Variants in RADX observed in about 807,000 individuals in gnomAD.
RADX encodes the protein RPA-related protein RADX.
RADX carries 36 observed loss-of-function variants against 61.6 expected under a neutral mutation model. The ratio of observed to expected loss-of-function variants is 0.58; its 90% CI spans 0.45 to 0.77. RADX has a LOEUF of 0.77. RADX is among the 30% of genes least tolerant of loss of function. The probability of loss-of-function intolerance (pLI) is 0.00; values close to 1 mark genes in which losing one functional copy is unlikely to be tolerated. For synonymous variants in RADX, 272 were observed against 237.9 expected (o/e 1.14, Z -1.32); for missense variants, 497 against 651.1 (o/e 0.76, Z 2.58).
intron 10 of RADX, among the ~76,000 whole-genome samples, chrX:106,645,443 A>G (rs1433753653): frequency 9.1e-6 from 1 of 109,941 alleles, no homozygotes; most frequent in Admixed American, 9.7e-5. Context: ...AGGTTTTGTT[A>G]TGTTTTGTTT....
At chrX:106,671,209 A>G (rs906427341) in intron 13 of RADX, among the ~76,000 whole-genome samples, 9 of 111,977 alleles carry the variant, frequency 8.0e-5, no homozygotes, top group African/African-American at 2.9e-4. Context: ...GAATTAGTAA[A>G]CATATGGTTC....
chrX:106,654,353 A>G (rs1334136944), intron 11 of RADX, among the ~76,000 whole-genome samples: 1 of 111,096 alleles, frequency 9.0e-6, no homozygotes, highest in East Asian at 2.8e-4. Flanking sequence ...GTGTCTGTTC[A>G]TATCCTTCAC....
intron 2 of RADX, among the ~76,000 whole-genome samples, chrX:106,624,079 A>G (rs1477091607): frequency 9.0e-6 from 1 of 111,305 alleles, no homozygotes; most frequent in South Asian, 3.8e-4. Context: ...ACAGTAACCA[A>G]TTGTTTTCTA....
intron 13 of RADX, 26 bp downstream of exon 13, chrX:106,669,356 A>C: frequency 1.9e-6 from 2 of 1,068,210 alleles, no homozygotes; most frequent in Non-Finnish European, 2.5e-6. Flanking sequence ...TGTTCTTTTC[A>C]CTCAGAAAAA....
chrX:106,633,927 C>A (rs1927300137), intron 6 of RADX, among the ~76,000 whole-genome samples: 2 of 111,633 alleles, frequency 1.8e-5, no homozygotes, highest in African/African-American at 6.5e-5. Flanking sequence ...AAGTATAATA[C>A]TTTTCAGCAG....
In RADX at chrX:106,622,742, A is replaced by G. The variant is rs766374112; in HGVS notation, c.735A>G (p.Ser245=). ...PALLVRILHK[S]KLRYYGKPDK... ...TGCTTGTGAGGATCTTACATAAATC[A>G]AAACTGCGATACTATGGAAAACCTG... Residue 245 remains serine, a synonymous_variant, in exon 2 of 14, where the codon TCA becomes TCG. Coordinates refer to ENST00000372548, the MANE Select transcript of RADX (RefSeq NM_018015.6). The G allele has an allele frequency of 1.5e-5, 18 of 1,200,284 alleles. No individual in the cohort carries two copies. The highest frequency in any genetic ancestry group is 1.8e-5 in the Non-Finnish European group (16 of 890,697).
chrX:106,644,779 T>G (rs1250925327), intron 10 of RADX, among the ~76,000 whole-genome samples: 2 of 111,359 alleles, frequency 1.8e-5, no homozygotes, highest in African/African-American at 6.5e-5. Context: ...ATACTGGCCT[T>G]GCAGAATGGG....
rs183456433 is a variant in RADX at position 106,673,090 on chromosome X, G to A, written c.2437+3760G>A. 5.7e-4 allele frequency among the ~76,000 whole-genome samples: 64 copies of A among 111,706 alleles called. 1 individual carries two copies. Among genetic ancestry groups the A allele is most frequent in the African/African-American group, 1.7e-3 (51 of 30,719 alleles). The stretch of plus-strand genomic sequence containing the variant: ...CATCTAAGAGCCAAGTCCTGGAATC[G>A]GGAACCCCAAGTGCCCACTTGTTGC... On this transcript the variant is annotated intron_variant, in intron 13 of 13. Transcript: ENST00000372548.
chrX:106,679,098 C>T lies in RADX; in HGVS notation c.*840C>T, dbSNP rs1286459339. ...AATACTTCATTTTAAATGTAAATGGCCACTCTGCATTTGCAAGGCCCGGTG... is the reference window on the plus strand; with the variant it reads ...AATACTTCATTTTAAATGTAAATGGTCACTCTGCATTTGCAAGGCCCGGTG... On this transcript the variant is annotated 3_prime_UTR_variant, in exon 14 of 14. Coordinates refer to ENST00000372548, the MANE Select transcript of RADX (RefSeq NM_018015.6). The T allele has an allele frequency of 8.9e-6, 1 of 111,924 alleles. No individual in the cohort carries two copies. Among genetic ancestry groups the T allele is most frequent in the Admixed American group, 9.5e-5 (1 of 10,553 alleles). The allele number at this position is 111,924 out of a possible 1,213,427, so 9.2% of individuals were successfully genotyped here. A position where few individuals can be genotyped will look rare whatever the true frequency, so the allele number is the denominator to read the frequency against.
chrX:106,622,700 A>G lies in RADX; in HGVS notation c.693A>G (p.Arg231=). The change falls in exon 2 of 14, where the codon AGA becomes AGG. Residue 231 remains arginine (R), a synonymous_variant. Coordinates refer to ENST00000372548, the MANE Select transcript of RADX (RefSeq NM_018015.6). ...LSHLEMTWTN[R]RNFPALLVRI... is the part of the protein sequence containing the mutation. ...ATCTTGAAATGACCTGGACTAACAG[A>G]AGAAATTTTCCTGCATTGCTTGTGA... is the stretch of plus-strand genomic sequence containing the variant. 1.7e-6 allele frequency: 2 copies of G among 1,192,706 alleles called. No individual in the cohort carries two copies. Among genetic ancestry groups the G allele is most frequent in the African/African-American group, 1.7e-5 (1 of 57,224 alleles).
chrX:106,662,757 A>G (rs1281832914), intron 12 of RADX, among the ~76,000 whole-genome samples: 3 of 110,132 alleles, frequency 2.7e-5, no homozygotes, highest in East Asian at 5.7e-4. Flanking sequence ...TTAGACCCTC[A>G]AGATAATAAA....
At chrX:106,623,613 C>CATAT (rs769098780) in intron 2 of RADX, among the ~76,000 whole-genome samples, 1 of 109,040 alleles carries the variant, frequency 9.2e-6, no homozygotes, top group Non-Finnish European at 1.9e-5. Context: ...ACAAGCATAT[C>CATAT]ATATATATAT....
rs143186597 is a variant in RADX, at chrX:106,666,602, G to T, written c.2270-2561G>T. ...GGTCTACTTGGCTGCTTTAATAAAA[G>T]AAAATATAAAGATGAGTAAAGCCTT... is the stretch of plus-strand genomic sequence containing the variant. On this transcript the variant is annotated intron_variant, in intron 12 of 13. Coordinates refer to ENST00000372548, the MANE Select transcript of RADX (RefSeq NM_018015.6). Among the ~76,000 whole-genome samples, 42 of 111,872 alleles carry T rather than the reference G, an allele frequency of 3.8e-4. No homozygotes were observed. The East Asian group carries it at 6.8e-3, about 18-fold the overall frequency.
At chrX:106,618,555 G>A (rs375604732) in intron 1 of RADX, among the ~76,000 whole-genome samples, 5 of 111,089 alleles carry the variant, frequency 4.5e-5, no homozygotes, top group African/African-American at 1.6e-4. Flanking sequence ...CGAGCGGATT[G>A]CTTGAGTTCA....
intron 2 of RADX, among the ~76,000 whole-genome samples, chrX:106,624,063 G>A (rs1927020136): frequency 9.0e-6 from 1 of 111,364 alleles, no homozygotes. Flanking sequence ...TACCTGGAAT[G>A]TTCTAACAGT....
intron 8 of RADX, 44 bp downstream of exon 8, chrX:106,637,968 A>G: frequency 9.8e-7 from 1 of 1,019,316 alleles, no homozygotes. Flanking sequence ...TTTATATTTT[A>G]TATGTATGGC....
chrX:106,614,688 AT>A, intron 1 of RADX, among the ~76,000 whole-genome samples: 1 of 111,217 alleles, frequency 9.0e-6, no homozygotes, highest in Middle Eastern at 4.7e-3. Flanking sequence ...ATCTTTTGAC[AT>A]TTTTCTAATT....
chrX:106,621,902 A>G (rs1361725146), intron 1 of RADX, among the ~76,000 whole-genome samples: 1 of 107,973 alleles, frequency 9.3e-6, no homozygotes, highest in Non-Finnish European at 1.9e-5. Context: ...AATACAAAAA[A>G]TGTGTAATAA....
intron 1 of RADX, among the ~76,000 whole-genome samples, chrX:106,614,256 TTG>T (rs1251146845): frequency 5.4e-5 from 6 of 111,786 alleles, no homozygotes; most frequent in Non-Finnish European, 1.1e-4. Flanking sequence ...CAGCAGTTTG[TTG>T]TGTATTTTTT....
Sources: allele counts gnomAD v4.1 joint callset (sites outside exome capture counted in the v4.1 genomes callset), GRCh38; gene constraint gnomAD v4.1.1; transcripts MANE v1.5; gene names NCBI Gene and HGNC (gene_info 2026-07-23, HGNC 2026-07-21).